Variants in RGS5 observed in about 807,000 individuals in gnomAD.
RGS5 encodes the protein regulator of G-protein signalling 5.
In RGS5, 20 loss-of-function variants were observed where a neutral mutation model predicts 18.9. The ratio of observed to expected loss-of-function variants is 1.06; its 90% CI spans 0.74 to 1.54. The LOEUF (loss-of-function observed/expected upper bound fraction) is 1.54, where lower values mean the gene tolerates loss of function less well. Among genes scored for constraint, RGS5 ranks in the 40% most tolerant of loss-of-function variants. The pLI is 0.00. For missense variants in RGS5, 201 were observed against 211.8 expected, an observed-to-expected ratio of 0.95 and a Z score of 0.32; for synonymous variants, 57 against 76.2, an observed-to-expected ratio of 0.75 and a Z score of 1.31.
Position 163,143,331 on chromosome 1 carries a change from T to C in RGS5, c.*4011A>G, listed in dbSNP as rs955245685. Reference sequence around the variant, plus strand: ...CCAAACTTCATGTCCAAAACCTACATAGAATTGCCTACCCCTTGGGTTTCG... The same window carrying C: ...CCAAACTTCATGTCCAAAACCTACACAGAATTGCCTACCCCTTGGGTTTCG... On this transcript the variant is annotated 3_prime_UTR_variant, in exon 5 of 5. Transcript: ENST00000313961. The C allele has an allele frequency of 2.6e-5, 4 of 152,170 alleles. No individual in the cohort carries two copies. Among genetic ancestry groups the C allele is most frequent in the Non-Finnish European group, 4.4e-5 (3 of 68,028 alleles). The allele number at this position is 152,170 out of a possible 1,614,324, so 9.4% of individuals were successfully genotyped here.
At chr1:163,280,781 T>C (rs1648972510) in intron 2 of RGS5, among the ~76,000 whole-genome samples, 1 of 152,120 alleles carries the variant, frequency 6.6e-6, no homozygotes, top group African/African-American at 2.4e-5. Context: ...CTAAAATTTG[T>C]ATAGAACTGA....
intron 2 of RGS5, among the ~76,000 whole-genome samples, chr1:163,289,532 A>C (rs1649228485): frequency 6.6e-6 from 1 of 152,248 alleles, no homozygotes; most frequent in East Asian, 1.9e-4. Flanking sequence ...AGAACCTGTC[A>C]CATAGTAAGT....
At chr1:163,240,243 G>A (rs901975024) in intron 2 of RGS5, among the ~76,000 whole-genome samples, 26 of 151,374 alleles carry the variant, frequency 1.7e-4, no homozygotes, top group Admixed American at 7.2e-4. Flanking sequence ...AAATAAGTAC[G>A]GAATGGTCAT....
At chr1:163,312,910 C>T (rs912806638) in intron 1 of RGS5, among the ~76,000 whole-genome samples, 1 of 152,194 alleles carries the variant, frequency 6.6e-6, no homozygotes, top group Non-Finnish European at 1.5e-5. Flanking sequence ...CTCTGCAATA[C>T]CTGCCAAGTC....
At chr1:163,231,891 C>G (rs1647491495) in intron 2 of RGS5, among the ~76,000 whole-genome samples, 1 of 152,030 alleles carries the variant, frequency 6.6e-6, no homozygotes, top group South Asian at 2.1e-4. Flanking sequence ...GTAAAGTACT[C>G]CTACTACTAC....
intron 2 of RGS5, among the ~76,000 whole-genome samples, chr1:163,231,988 C>A (rs1416827993): frequency 6.6e-6 from 1 of 151,730 alleles, no homozygotes; most frequent in Non-Finnish European, 1.5e-5. Flanking sequence ...AAAAAAAAAC[C>A]TAGAAGTTAT....
At chr1:163,217,434 T>A in intron 1 of RGS5, 1 of 1,338,858 alleles carries the variant, frequency 7.5e-7, no homozygotes. Context: ...AGAGCACTAT[T>A]GGCATCCTTC....
intron 2 of RGS5, among the ~76,000 whole-genome samples, chr1:163,287,016 G>T (rs959936601): frequency 1.5e-4 from 23 of 152,124 alleles, no homozygotes; most frequent in Admixed American, 1.3e-3. Context: ...TACTATTTCA[G>T]AACACTTTTT....
chr1:163,191,920 C>A (rs1305774400), intron 1 of RGS5, among the ~76,000 whole-genome samples: 1 of 152,034 alleles, frequency 6.6e-6, no homozygotes, highest in Non-Finnish European at 1.5e-5. Flanking sequence ...ATGAAGCCCC[C>A]ATAAAAATCT....
rs1327334864 is a variant in RGS5, at chr1:163,282,825, C to A, written c.-281+23408G>T. On this transcript the variant is annotated intron_variant, in intron 2 of 5. Transcript: ENST00000618415. ...AGGAAATTAGTATATCAAAGAGATA[C>A]CTGCACCCCCATGTTTATTGCAGCA... is the stretch of plus-strand genomic sequence containing the variant. 3.3e-5 allele frequency among the ~76,000 whole-genome samples: 5 copies of A among 152,050 alleles called. No homozygotes were observed. In the East Asian group the frequency reaches 9.7e-4, roughly 29 times the overall value.
intron 1 of RGS5, among the ~76,000 whole-genome samples, chr1:163,194,134 A>T (rs1659466903): frequency 6.6e-6 from 1 of 152,184 alleles, no homozygotes; most frequent in Non-Finnish European, 1.5e-5. Flanking sequence ...TTTTCTTCAT[A>T]GAATTCACCA....
chr1:163,298,929 T>C (rs1048077138), intron 2 of RGS5, among the ~76,000 whole-genome samples: 1 of 152,154 alleles, frequency 6.6e-6, no homozygotes, highest in Non-Finnish European at 1.5e-5. Context: ...ATGCTGGAAA[T>C]AAAATAAAAT....
chr1:163,171,949 G>T (rs764477344), intron 1 of RGS5, among the ~76,000 whole-genome samples: 2 of 152,198 alleles, frequency 1.3e-5, no homozygotes, highest in African/African-American at 2.4e-5. Context: ...GTCCACAACG[G>T]TAGATCAGGG....
At chr1:163,154,152 G>A (rs1657493110) in intron 3 of RGS5, among the ~76,000 whole-genome samples, 1 of 151,956 alleles carries the variant, frequency 6.6e-6, no homozygotes, top group South Asian at 2.1e-4. Context: ...ATTTCCTTTG[G>A]CCTAATTTTC....
At chr1:163,277,324 G>A (rs898620031) in intron 2 of RGS5, among the ~76,000 whole-genome samples, 75 of 152,140 alleles carry the variant, frequency 4.9e-4, no homozygotes, top group Admixed American at 4.7e-3. Flanking sequence ...AGCAAGCAGT[G>A]CCCCACCCAT....
chr1:163,278,542 C>T (rs1648915157), intron 2 of RGS5, among the ~76,000 whole-genome samples: 1 of 152,050 alleles, frequency 6.6e-6, no homozygotes, highest in Non-Finnish European at 1.5e-5. Context: ...TATTAACTCA[C>T]TGGTAGAGCA....
intron 3 of RGS5, among the ~76,000 whole-genome samples, chr1:163,157,719 G>GGTGTA (rs113604431): frequency 6.6e-6 from 1 of 151,460 alleles, no homozygotes; most frequent in African/African-American, 2.4e-5. Flanking sequence ...AAAAAGAGAT[G>GGTGTA]GTGGTTTGTC....
In RGS5 at chr1:163,142,303, G is replaced by A. The variant is rs1018566664; in HGVS notation, c.*5039C>T. On this transcript the variant is annotated 3_prime_UTR_variant, in exon 5 of 5. Transcript: ENST00000313961. ...AGTCAAGGAGGACTCATATGAGGCT[G>A]TTATATAGATATATATTTAATATAA... is the stretch of plus-strand genomic sequence containing the variant. 1.3e-5 allele frequency: 2 copies of A among 152,132 alleles called. No individual in the cohort carries two copies. Among genetic ancestry groups the A allele is most frequent in the African/African-American group, 2.4e-5 (1 of 41,530 alleles). 9.4% of individuals were successfully genotyped at this position (152,132 alleles called of 1,614,324 possible).
At chr1:163,179,754 T>TA (rs1658725196) in intron 1 of RGS5, among the ~76,000 whole-genome samples, 9 of 152,296 alleles carry the variant, frequency 5.9e-5, no homozygotes, top group Admixed American at 5.2e-4. Context: ...CCTCCAGCTA[T>TA]AAAAAATTAA....
Sources: gnomAD v4.1 joint callset for allele counts (sites outside exome capture counted in the v4.1 genomes callset) on GRCh38, gnomAD v4.1.1 for gene constraint, MANE v1.5 for transcripts, NCBI Gene and HGNC (gene_info 2026-07-23, HGNC 2026-07-21) for gene names.